Variants in ZNF91 observed in about 807,000 individuals in gnomAD.
ZNF91 encodes zinc finger protein 91 (HPF7, HTF10).
ZNF91 carries 7 observed loss-of-function variants against 12.6 expected under a neutral mutation model. The observed-to-expected ratio is 0.55, with a 90% confidence interval of 0.31 to 1.04. The LOEUF (loss-of-function observed/expected upper bound fraction) is 1.04. Among genes scored for constraint, ZNF91 ranks in the 50% least tolerant of loss-of-function variants. The probability of loss-of-function intolerance (pLI) is 0.05; values close to 1 mark genes in which losing one functional copy is unlikely to be tolerated. For synonymous variants in ZNF91, 453 were observed against 462.6 expected (o/e 0.98, Z 0.27); for missense variants, 1,217 against 1,385.4 (o/e 0.88, Z 1.93).
chr19:23,368,560 C>CTATATATATA (rs1369086504), intron 3 of ZNF91, among the ~76,000 whole-genome samples: 21 of 117,566 alleles, frequency 1.8e-4, no homozygotes, highest in African/African-American at 6.4e-4. Flanking sequence ...CTCTCTCTCT[C>CTATATATATA]TCTATATATA....
At chr19:23,365,037 A>C (rs1968946322) in intron 3 of ZNF91, among the ~76,000 whole-genome samples, 1 of 152,176 alleles carries the variant, frequency 6.6e-6, no homozygotes, top group Non-Finnish European at 1.5e-5. Context: ...TAAAACATGG[A>C]ATGTAAACTT....
chr19:23,360,831 A>G lies in ZNF91; in HGVS notation c.2148T>C (p.Cys716=), dbSNP rs1339378377. 6.2e-7 allele frequency: 1 copy of G among 1,613,502 alleles called. No individual in the cohort carries two copies. Among genetic ancestry groups the G allele is most frequent in the African/African-American group, 1.3e-5 (1 of 74,858 alleles). The change falls in exon 4 of 4, where the codon TGT becomes TGC. Residue 716 remains cysteine (C), a synonymous_variant. Coordinates refer to ENST00000300619, the MANE Select transcript of ZNF91 (RefSeq NM_003430.4). Reference sequence around the variant, plus strand: ...GATTAAAAGCTTTGCCACATTCTTCACATTTGTAGAGTTTCTCTCCAGCAT... The same window carrying G: ...GATTAAAAGCTTTGCCACATTCTTCGCATTTGTAGAGTTTCTCTCCAGCAT... ...IIHAGEKLYK[C]EECGKAFNRS...
chr19:23,332,780 G>A (rs897186246), intron 1 of ZNF91, among the ~76,000 whole-genome samples: 1 of 152,180 alleles, frequency 6.6e-6, no homozygotes, highest in Non-Finnish European at 1.5e-5. Flanking sequence ...TCTGTGGACT[G>A]AGGGGCTTGC....
intron 1 of ZNF91, among the ~76,000 whole-genome samples, chr19:23,387,299 C>A (rs1446203237): frequency 6.6e-6 from 1 of 152,154 alleles, no homozygotes; most frequent in Non-Finnish European, 1.5e-5. Flanking sequence ...GGGTATATAC[C>A]CAAAGAAATA....
intron 1 of ZNF91, among the ~76,000 whole-genome samples, chr19:23,332,344 A>T (rs1324935801): frequency 6.6e-6 from 1 of 151,048 alleles, no homozygotes; most frequent in Non-Finnish European, 1.5e-5. Flanking sequence ...CCAGCATCCT[A>T]ATTTTTTTTT....
At chr19:23,350,763 CCTGAAGA>C (rs1217238169) in intron 3 of ZNF91, among the ~76,000 whole-genome samples, 3 of 152,062 alleles carry the variant, frequency 2.0e-5, no homozygotes, top group Non-Finnish European at 4.4e-5. Flanking sequence ...ACACATTCCA[CCTGAAGA>C]CTGAGAGGGA....
intron 1 of ZNF91, chr19:23,385,037 C>A: frequency 1.7e-6 from 2 of 1,210,724 alleles, no homozygotes; most frequent in South Asian, 1.2e-5. Flanking sequence ...CAGGGAGACA[C>A]CTCATGGGGC....
At chr19:23,372,495 T>C (rs1410660929) in intron 3 of ZNF91, among the ~76,000 whole-genome samples, 1 of 152,146 alleles carries the variant, frequency 6.6e-6, no homozygotes, top group Non-Finnish European at 1.5e-5. Flanking sequence ...AAGCCCAAGA[T>C]CGAAGGTAAT....
intron 1 of ZNF91, among the ~76,000 whole-genome samples, chr19:23,382,705 A>T (rs1261180336): frequency 6.6e-6 from 1 of 152,220 alleles, no homozygotes; most frequent in African/African-American, 2.4e-5. Context: ...CCACAAAAAC[A>T]TCTTGAAGTC....
chr19:23,378,556 C>A (rs896264963), intron 1 of ZNF91, among the ~76,000 whole-genome samples: 1 of 152,034 alleles, frequency 6.6e-6, no homozygotes, highest in Non-Finnish European at 1.5e-5. Flanking sequence ...TACTAATAAG[C>A]AATTTAAACA....
At chr19:23,365,474 G>A (rs938885184) in intron 3 of ZNF91, among the ~76,000 whole-genome samples, 6 of 151,780 alleles carry the variant, frequency 4.0e-5, no homozygotes, top group African/African-American at 7.3e-5. Flanking sequence ...AGTAAAATGA[G>A]TCAGTTTTGT....
In ZNF91 at chr19:23,357,948, A is replaced by G. The variant is rs751626952; in HGVS notation, c.*1455T>C. On this transcript the variant is annotated 3_prime_UTR_variant, in exon 4 of 4. Transcript: ENST00000300619. Reference sequence around the variant, plus strand: ...CACATATTAGGTATCCACAAAAATTAAGTCAAATACATTTAAATGAGAAAA... The same window carrying G: ...CACATATTAGGTATCCACAAAAATTGAGTCAAATACATTTAAATGAGAAAA... 5 of 152,314 alleles carry G rather than the reference A, an allele frequency of 3.3e-5. No homozygotes were observed. The highest frequency in any genetic ancestry group is 6.5e-5 in the Admixed American group (1 of 15,302). The allele number at this position is 152,314 out of a possible 1,614,324, so 9.4% of individuals were successfully genotyped here.
intron 3 of ZNF91, among the ~76,000 whole-genome samples, chr19:23,363,797 G>T (rs2145066615): frequency 6.6e-6 from 1 of 152,052 alleles, no homozygotes; most frequent in South Asian, 2.1e-4. Context: ...TGGAAAATCG[G>T]AAAAATGAGG....
Position 23,361,272 on chromosome 19 carries a change from A to G in ZNF91, c.1707T>C (p.Ala569=), listed in dbSNP as rs1968747462. The change falls in exon 4 of 4, where the codon GCT becomes GCC. Residue 569 remains alanine, a synonymous_variant. Coordinates refer to ENST00000300619, the MANE Select transcript of ZNF91 (RefSeq NM_003430.4). ...STLTTHKIIH[A]GKKLYKCEEC... is the part of the protein sequence containing the mutation. ...CTTCACATTTGTAGAGTTTCTTTCC[A>G]GCATGAATTATTTTATGTGTAGTAA... The G allele has an allele frequency of 6.2e-7, 1 of 1,613,586 alleles. No homozygotes were observed. Among genetic ancestry groups the G allele is most frequent in the Admixed American group, 1.7e-5 (1 of 59,984 alleles).
chr19:23,364,359 T>C (rs1429226230), intron 3 of ZNF91, among the ~76,000 whole-genome samples: 8 of 152,036 alleles, frequency 5.3e-5, no homozygotes, highest in Non-Finnish European at 1.2e-4. Context: ...GGCAGGAGAA[T>C]CACTTGAACC....
chr19:23,373,650 G>T, intron 3 of ZNF91, 92 bp downstream of exon 3: 3 of 992,724 alleles, frequency 3.0e-6, no homozygotes, highest in South Asian at 3.3e-5. Flanking sequence ...ATTTCCTTTG[G>T]AACACAGCTT....
At chr19:23,337,769 A>G (rs1377333021), downstream of ZNF91, 4 of 152,142 alleles carry the variant, frequency 2.6e-5, no homozygotes, top group Non-Finnish European at 5.9e-5. Flanking sequence ...ATAAATTTAG[A>G]GTCCAAATGG....
At chr19:23,350,817 G>C (rs995876182) in intron 3 of ZNF91, among the ~76,000 whole-genome samples, 2 of 152,066 alleles carry the variant, frequency 1.3e-5, no homozygotes, top group South Asian at 2.1e-4. Context: ...CGTCAGACTG[G>C]GACACTTCCT....
rs545949126 is a variant in ZNF91 at position 23,330,730 on chromosome 19, T to A, written n.117-21633A>T. On this transcript the variant is annotated intron_variant and non_coding_transcript_variant, in intron 1 of 1. Coordinates refer to the ZNF91 transcript ENST00000596528. ...AAAAAGCCCTCCCTACTCCTCACTT[T>A]AAAAAATTGAAATAGCTTGGTGAAG... Among the ~76,000 whole-genome samples, 5 of 152,322 alleles carry A rather than the reference T, an allele frequency of 3.3e-5. No individual in the cohort carries two copies. The South Asian group carries it at 6.2e-4, about 19-fold the overall frequency.
Sources: allele counts gnomAD v4.1 joint callset (sites outside exome capture counted in the v4.1 genomes callset), GRCh38; gene constraint gnomAD v4.1.1; transcripts MANE v1.5; gene names NCBI Gene and HGNC (gene_info 2026-07-23, HGNC 2026-07-21).